The following TTC28 variants were observed in gnomAD, a reference collection of about 807,000 sequenced individuals.
TTC28 encodes the protein tetratricopeptide repeat protein 28.
Under a neutral mutation model 198.0 loss-of-function variants are expected in TTC28, and 61 were observed. The observed-to-expected ratio is 0.31, with a 90% confidence interval of 0.25 to 0.38. TTC28 has a LOEUF of 0.38. Among genes scored for constraint, TTC28 ranks in the 10% least tolerant of loss-of-function variants. The pLI is 1.00. For synonymous variants in TTC28, 1,171 were observed against 1,297.8 expected (o/e 0.90, Z 2.10); for missense variants, 2,678 against 3,164.0 (o/e 0.85, Z 3.69).
At chr22:28,620,434 T>G (rs1341060722) in intron 2 of TTC28, among the ~76,000 whole-genome samples, 1 of 151,814 alleles carries the variant, frequency 6.6e-6, no homozygotes, top group Non-Finnish European at 1.5e-5. Context: ...GACTGAAAAA[T>G]TAAAGTTGAG....
At chr22:28,041,808 G>A (rs1404725381) in intron 12 of TTC28, among the ~76,000 whole-genome samples, 7 of 150,656 alleles carry the variant, frequency 4.6e-5, no homozygotes, top group Admixed American at 4.0e-4. Flanking sequence ...CCTACAGAAT[G>A]GGAGAAAATC....
Position 27,992,707 on chromosome 22 carries a change from G to A in TTC28, c.5477-44C>T. 4 of 1,526,578 alleles carry A rather than the reference G, an allele frequency of 2.6e-6. No homozygotes were observed. The African/African-American group carries it at 4.2e-5, about 16-fold the overall frequency. The allele number at this position is 1,526,578 out of a possible 1,614,324, so 94.6% of individuals were successfully genotyped here. A position where few individuals can be genotyped will look rare whatever the true frequency, so the allele number is the denominator to read the frequency against. ...GTAGAAGTTATTCAGAAGGGCCTCTGCACCCAAAAGCCTGCCACCTTCCCA... is the reference window on the plus strand; with the variant it reads ...GTAGAAGTTATTCAGAAGGGCCTCTACACCCAAAAGCCTGCCACCTTCCCA... On this transcript the variant is annotated intron_variant, in intron 18 of 22. Transcript: ENST00000397906.
intron 2 of TTC28, among the ~76,000 whole-genome samples, chr22:28,346,957 T>C (rs1415567992): frequency 6.6e-6 from 1 of 151,948 alleles, no homozygotes; most frequent in Non-Finnish European, 1.5e-5. Flanking sequence ...AGAAACAAAT[T>C]AAAGCTTTTA....
At chr22:28,578,791 C>G (rs1344713182) in intron 2 of TTC28, among the ~76,000 whole-genome samples, 1 of 152,026 alleles carries the variant, frequency 6.6e-6, no homozygotes, top group Non-Finnish European at 1.5e-5. Flanking sequence ...CTCAGTGCTA[C>G]CCTGTTACAT....
intron 1 of TTC28, among the ~76,000 whole-genome samples, chr22:28,631,625 A>G (rs2051174690): frequency 6.6e-6 from 1 of 152,010 alleles, no homozygotes; most frequent in Admixed American, 6.6e-5. Flanking sequence ...TCTGGACTCA[A>G]GCAGTCTTCC....
chr22:28,470,401 CAG>C (rs1173598954), intron 2 of TTC28, among the ~76,000 whole-genome samples: 1 of 152,024 alleles, frequency 6.6e-6, no homozygotes, highest in Non-Finnish European at 1.5e-5. Flanking sequence ...TTAAGCCCAC[CAG>C]AGTCTTAGCT....
rs145303448 is a variant in TTC28 at position 28,163,735 on chromosome 22, C to T, written c.934-136G>A. ...AGTCTACAGCTCCCAGCGTGAGTGA[C>T]GCAGAAGACGGGTGATTTCTGCATT... On this transcript the variant is annotated intron_variant, in intron 5 of 22. Transcript: ENST00000397906. 4,122 of 985,972 alleles carry T rather than the reference C, an allele frequency of 4.2e-3. 110 individuals carry two copies. The African/African-American group carries it at 0.051, about 12-fold the overall frequency. The allele number at this position is 985,972 out of a possible 1,614,324, so 61.1% of individuals were successfully genotyped here. A position where few individuals can be genotyped will look rare whatever the true frequency, so the allele number is the denominator to read the frequency against.
intron 1 of TTC28, among the ~76,000 whole-genome samples, chr22:28,669,975 T>C (rs867496893): frequency 1.3e-5 from 2 of 152,008 alleles, no homozygotes; most frequent in African/African-American, 4.8e-5. Flanking sequence ...TATACTCTAT[T>C]ATATGTATAC....
At chr22:28,062,368 A>T (rs560697138) in intron 12 of TTC28, among the ~76,000 whole-genome samples, 1 of 138,982 alleles carries the variant, frequency 7.2e-6, no homozygotes, top group Non-Finnish European at 1.6e-5. Flanking sequence ...GTGGTCTACT[A>T]TCTTATTATT....
At chr22:28,482,034 T>C (rs895667912) in intron 2 of TTC28, among the ~76,000 whole-genome samples, 5 of 152,170 alleles carry the variant, frequency 3.3e-5, no homozygotes, top group Non-Finnish European at 5.9e-5. Context: ...CTTATTCTGC[T>C]CTGTCCCTCA....
Position 28,416,205 on chromosome 22 carries a change from C to T in TTC28, c.382-109562G>A, listed in dbSNP as rs1323545387. Among the ~76,000 whole-genome samples, 3 of 152,204 alleles carry T rather than the reference C, an allele frequency of 2.0e-5. No individual in the cohort carries two copies. The South Asian group carries it at 6.2e-4, about 32-fold the overall frequency. On this transcript the variant is annotated intron_variant, in intron 2 of 22. Transcript: ENST00000397906. ...TACATTCAAGAGTCTTATGCTCCCA[C>T]CTCTGGTTCCATTAACTTCAGTGTA...
intron 1 of TTC28, among the ~76,000 whole-genome samples, chr22:28,677,274 T>C (rs2052012849): frequency 6.7e-6 from 1 of 149,714 alleles, no homozygotes; most frequent in Non-Finnish European, 1.5e-5. Flanking sequence ...AATTAAAAAA[T>C]AGTTCCTGAA....
At chr22:28,266,348 A>T (rs1931684210) in intron 5 of TTC28, among the ~76,000 whole-genome samples, 1 of 152,154 alleles carries the variant, frequency 6.6e-6, no homozygotes, top group African/African-American at 2.4e-5. Context: ...AAATTAAGGT[A>T]TCTTCAACCT....
At chr22:28,376,952 T>C (rs2046420469) in intron 2 of TTC28, among the ~76,000 whole-genome samples, 1 of 151,836 alleles carries the variant, frequency 6.6e-6, no homozygotes, top group Non-Finnish European at 1.5e-5. Flanking sequence ...AATGGTCTTC[T>C]CACAAGCCAG....
At position 28,221,441 on chromosome 22, in the gene TTC28, C is replaced by G. The variant is rs535111279; in HGVS notation, c.934-57842G>C. On this transcript the variant is annotated intron_variant, in intron 5 of 22. Transcript: ENST00000397906. ...CTGGTCAGGGATTGACTAGGTGAAG[C>G]TGAACTTTAAGGTATTGGTGTTGGG... is the stretch of plus-strand genomic sequence containing the variant. Among the ~76,000 whole-genome samples, 15 of 152,290 alleles carry G rather than the reference C, an allele frequency of 9.8e-5. No homozygotes were observed. In the South Asian group the frequency reaches 2.9e-3, roughly 29 times the overall value.
At chr22:28,549,567 T>C (rs1466732708) in intron 2 of TTC28, among the ~76,000 whole-genome samples, 5 of 152,218 alleles carry the variant, frequency 3.3e-5, no homozygotes. Flanking sequence ...GATTCTCTCC[T>C]TTTTAAGTCT....
intron 2 of TTC28, among the ~76,000 whole-genome samples, chr22:28,419,799 C>T (rs2047220727): frequency 6.6e-6 from 1 of 152,136 alleles, no homozygotes; most frequent in Admixed American, 6.5e-5. Flanking sequence ...TTTACTTCTT[C>T]CAAGTAACAT....
intron 5 of TTC28, among the ~76,000 whole-genome samples, chr22:28,216,752 C>T (rs1460327145): frequency 6.6e-6 from 1 of 152,098 alleles, no homozygotes; most frequent in East Asian, 1.9e-4. Context: ...GACACAGTCT[C>T]ACTCTGTCAC....
At chr22:28,655,434 T>C (rs1005043020) in intron 1 of TTC28, among the ~76,000 whole-genome samples, 1 of 152,248 alleles carries the variant, frequency 6.6e-6, no homozygotes, top group African/African-American at 2.4e-5. Flanking sequence ...TGGTACAGAC[T>C]TCCTGCAAAT....
Sources: gnomAD v4.1 joint callset for allele counts (sites outside exome capture counted in the v4.1 genomes callset) on GRCh38, gnomAD v4.1.1 for gene constraint, MANE v1.5 for transcripts, NCBI Gene and HGNC (gene_info 2026-07-23, HGNC 2026-07-21) for gene names.